HECW1: variants seen among roughly 807,000 people sequenced by gnomAD.
HECW1 encodes E3 ubiquitin-protein ligase HECW1.
Under a neutral mutation model 182.3 loss-of-function variants are expected in HECW1, and 61 were observed. The observed-to-expected ratio is 0.33, with a 90% CI of 0.27 to 0.41. HECW1 has a LOEUF of 0.41. HECW1 is among the 10% of genes least tolerant of loss of function. HECW1 has a pLI of 1.00. For missense variants in HECW1, 1,739 were observed against 2,108.9 expected (o/e 0.82, Z 3.44); for synonymous variants, 859 against 832.6 (o/e 1.03, Z -0.55).
chr7:43,465,363 G>A (rs559506824), intron 14 of HECW1, among the ~76,000 whole-genome samples: 42 of 152,318 alleles, frequency 2.8e-4, no homozygotes, highest in African/African-American at 9.1e-4. Context: ...CCTGTCCATC[G>A]TGGGTCAGCT....
At chr7:43,248,667 T>C (rs1020594054) in intron 3 of HECW1, 2 of 148,262 alleles carry the variant, frequency 1.3e-5, no homozygotes, top group African/African-American at 5.2e-5. Flanking sequence ...GCTGCTTTAC[T>C]CTCCCTCCTC....
chr7:43,215,073 T>C (rs1284924497), intron 2 of HECW1, among the ~76,000 whole-genome samples: 1 of 152,252 alleles, frequency 6.6e-6, no homozygotes, highest in African/African-American at 2.4e-5. Context: ...GTTCTTTTTA[T>C]CCTGATTTTA....
At chr7:43,456,545 A>C in intron 13 of HECW1, 98 bp downstream of exon 13, 1 of 1,110,274 alleles carries the variant, frequency 9.0e-7, no homozygotes, top group Middle Eastern at 2.1e-4. Context: ...AGACTGTATG[A>C]GGAGACTGGA....
chr7:43,319,075 T>C (rs1243900642), intron 4 of HECW1, among the ~76,000 whole-genome samples: 1 of 152,178 alleles, frequency 6.6e-6, no homozygotes, highest in Non-Finnish European at 1.5e-5. Flanking sequence ...GCCGCATTTC[T>C]CTCCAGGCAC....
At chr7:43,496,319 T>C (rs1204175279) in intron 19 of HECW1, among the ~76,000 whole-genome samples, 1 of 151,992 alleles carries the variant, frequency 6.6e-6, no homozygotes, top group East Asian at 1.9e-4. Flanking sequence ...AAATAGTTAA[T>C]GGACCCTAAG....
At chr7:43,336,164 C>CTCTT (rs1812240566) in intron 5 of HECW1, among the ~76,000 whole-genome samples, 1 of 109,872 alleles carries the variant, frequency 9.1e-6, no homozygotes, top group African/African-American at 4.4e-5. Context: ...CTCTCTCTCT[C>CTCTT]TCTCTCTCTC....
intron 24 of HECW1, among the ~76,000 whole-genome samples, chr7:43,528,899 C>T (rs2080869201): frequency 1.3e-5 from 2 of 152,154 alleles, no homozygotes; most frequent in Non-Finnish European, 2.9e-5. Context: ...TAAAGGGAAG[C>T]TATGAAAACC....
intron 2 of HECW1, among the ~76,000 whole-genome samples, chr7:43,168,938 C>T (rs191801898): frequency 4.5e-4 from 69 of 152,190 alleles, no homozygotes; most frequent in African/African-American, 1.5e-3. Context: ...AAGATATGCA[C>T]CAAACTGATA....
chr7:43,426,442 AT>A (rs1363162384), intron 8 of HECW1, among the ~76,000 whole-genome samples: 1 of 152,172 alleles, frequency 6.6e-6, no homozygotes, highest in African/African-American at 2.4e-5. Context: ...GGGTCTCTTG[AT>A]TTCACAGGAG....
rs1554408923 is a variant in HECW1, at chr7:43,425,304, T to TA, written c.802-12699_802-12698insA. Among the ~76,000 whole-genome samples the TA allele has an allele frequency of 6.3e-3, 932 of 148,360 alleles. 13 individuals are homozygous for TA. Among genetic ancestry groups the TA allele is most frequent in the East Asian group, 0.031 (155 of 4,984 alleles). On this transcript the variant is annotated intron_variant, in intron 8 of 29. Transcript: ENST00000395891. Reference sequence around the variant, plus strand: ...ATAGCTAGGTAGATAGATAGATAGATGATAGATAGATAGATAGATAGATAG... The same window carrying TA: ...ATAGCTAGGTAGATAGATAGATAGATAGATAGATAGATAGATAGATAGATAG...
At chr7:43,155,973 C>T (rs1189497940) in intron 2 of HECW1, among the ~76,000 whole-genome samples, 2 of 152,072 alleles carry the variant, frequency 1.3e-5, no homozygotes, top group Non-Finnish European at 2.9e-5. Context: ...TTTCTTTGTT[C>T]GTTTAAAACA....
chr7:43,356,089 T>C (rs1480573473), intron 5 of HECW1, among the ~76,000 whole-genome samples: 2 of 152,086 alleles, frequency 1.3e-5, no homozygotes, highest in Non-Finnish European at 2.9e-5. Context: ...TATGCTCAAT[T>C]CTCTAATTAA....
intron 6 of HECW1, among the ~76,000 whole-genome samples, chr7:43,394,497 G>A (rs1252476426): frequency 1.3e-5 from 2 of 152,356 alleles, no homozygotes; most frequent in Non-Finnish European, 2.9e-5. Flanking sequence ...GGGAGAATAA[G>A]AGTTAAGTTT....
chr7:43,119,598 G>A (rs1275948722), intron 2 of HECW1, among the ~76,000 whole-genome samples: 1 of 152,162 alleles, frequency 6.6e-6, no homozygotes, highest in Admixed American at 6.5e-5. Flanking sequence ...CTCATTCCCA[G>A]AACTCCAGAC....
intron 21 of HECW1, among the ~76,000 whole-genome samples, chr7:43,505,227 T>G (rs1381848062): frequency 6.6e-6 from 1 of 152,132 alleles, no homozygotes; most frequent in Non-Finnish European, 1.5e-5. Context: ...CTCCTCCCCG[T>G]CTCAGTGAAT....
chr7:43,260,910 C>T (rs2152732928), intron 3 of HECW1, among the ~76,000 whole-genome samples: 1 of 152,276 alleles, frequency 6.6e-6, no homozygotes, highest in South Asian at 2.1e-4. Flanking sequence ...TATTGTGTGC[C>T]AAGCACTATT....
At position 43,522,337 on chromosome 7, in the gene HECW1, G is replaced by A. The variant is rs150032041; in HGVS notation, c.4019+13216G>A. On this transcript the variant is annotated intron_variant, in intron 24 of 29. Coordinates refer to ENST00000395891, the MANE Select transcript of HECW1 (RefSeq NM_015052.5). Reference sequence around the variant, plus strand: ...GACCAGGTGAGTCTCGGTGCAGTTAGTCCACTGAGTTCATGTCCTGATTCC... The same window carrying A: ...GACCAGGTGAGTCTCGGTGCAGTTAATCCACTGAGTTCATGTCCTGATTCC... The A allele has an allele frequency of 6.6e-5, 10 of 152,010 alleles. No homozygotes were observed. The East Asian group carries it at 1.5e-3, about 24-fold the overall frequency. The allele number at this position is 152,010 out of a possible 1,614,324, so 9.4% of individuals were successfully genotyped here.
intron 3 of HECW1, among the ~76,000 whole-genome samples, chr7:43,260,190 G>C (rs1285868878): frequency 6.6e-6 from 1 of 152,208 alleles, no homozygotes; most frequent in African/African-American, 2.4e-5. Flanking sequence ...ATTTGTGGAG[G>C]ATGTATACAC....
intron 3 of HECW1, among the ~76,000 whole-genome samples, chr7:43,264,819 G>A (rs1479673682): frequency 3.4e-5 from 5 of 149,148 alleles, no homozygotes; most frequent in East Asian, 3.9e-4. Context: ...ACTCCAGCCC[G>A]GGCGACAGAG....
Sources: allele counts gnomAD v4.1 joint callset (sites outside exome capture counted in the v4.1 genomes callset), GRCh38; gene constraint gnomAD v4.1.1; transcripts MANE v1.5; gene names NCBI Gene and HGNC (gene_info 2026-07-23, HGNC 2026-07-21).